The following IL1R1 variants were observed in gnomAD, a reference collection of about 807,000 sequenced individuals.
IL1R1 encodes interleukin 1 receptor type 1.
A neutral mutation model predicts 50.2 loss-of-function variants in IL1R1; 22 were observed. That is an observed-to-expected ratio of 0.44 (90% confidence interval 0.31 to 0.63). The LOEUF (loss-of-function observed/expected upper bound fraction) is 0.63, where lower values mean the gene tolerates loss of function less well. IL1R1 is among the 20% of genes least tolerant of loss of function. The pLI is 0.07. For missense variants in IL1R1, 509 were observed against 676.2 expected (o/e 0.75, Z 2.74); for synonymous variants, 251 against 236.7 (o/e 1.06, Z -0.55).
At chr2:102,172,631 A>C (rs1685787097) in intron 8 of IL1R1, 56 bp from the exon 9 acceptor site, 3 of 1,463,612 alleles carry the variant, frequency 2.0e-6, no homozygotes, top group South Asian at 2.6e-5. Context: ...TACAGGTCTT[A>C]TTTGTAGTTG....
At chr2:102,111,962 G>A (rs1003246646) in intron 1 of IL1R1, among the ~76,000 whole-genome samples, 3 of 152,132 alleles carry the variant, frequency 2.0e-5, no homozygotes, top group Non-Finnish European at 4.4e-5. Context: ...GAAATCTGAG[G>A]CCATGGCTCT....
chr2:102,100,322 G>A (rs2104334924), upstream of IL1R1, among the ~76,000 whole-genome samples: 1 of 152,292 alleles, frequency 6.6e-6, no homozygotes, highest in East Asian at 1.9e-4. Flanking sequence ...CAGCCTGGCT[G>A]CCTCTTTTCT....
chr2:102,158,056 C>T (rs892657736), intron 3 of IL1R1, among the ~76,000 whole-genome samples: 1 of 152,216 alleles, frequency 6.6e-6, no homozygotes, highest in Non-Finnish European at 1.5e-5. Context: ...AAATCTAGGT[C>T]TCCAATCTAG....
Position 102,176,749 on chromosome 2 carries a change from C to T in IL1R1, c.1700C>T (p.Pro567Leu). The T allele has an allele frequency of 1.2e-6, 2 of 1,613,504 alleles. No individual in the cohort carries two copies. The highest frequency in any genetic ancestry group is 1.7e-6 in the Non-Finnish European group (2 of 1,179,478). ...AAACTGCAAAGAGAGGCTCACGTGCCTCTCGGGTAGCATGGAGAAGTTGCC... is the reference window on the plus strand; with the variant it reads ...AAACTGCAAAGAGAGGCTCACGTGCTTCTCGGGTAGCATGGAGAAGTTGCC... Reference protein sequence around the residue: ...KEKLQREAHVPLG With the variant: ...KEKLQREAHVLLG The change falls in exon 12 of 12, where the codon CCT becomes CTT. Residue 567 changes from proline (P) to leucine (L), a missense_variant. By Grantham distance (98) the Pro-to-Leu change is moderately conservative. Coordinates refer to ENST00000410023, the MANE Select transcript of IL1R1 (RefSeq NM_000877.4).
intron 1 of IL1R1, among the ~76,000 whole-genome samples, chr2:102,092,537 C>G (rs1679717781): frequency 1.3e-5 from 2 of 152,042 alleles, no homozygotes; most frequent in African/African-American, 4.8e-5. Context: ...TTCTTAAGTG[C>G]TCTTTAAACC....
At chr2:102,175,370 A>G in intron 10 of IL1R1, 108 bp from the exon 11 acceptor site, 1 of 828,682 alleles carries the variant, frequency 1.2e-6, no homozygotes, top group Non-Finnish European at 2.0e-6. Flanking sequence ...ATGCCATTGT[A>G]TAAAAAAAGA....
chr2:102,100,592 T>G (rs1424393347), upstream of IL1R1, among the ~76,000 whole-genome samples: 2 of 152,224 alleles, frequency 1.3e-5, no homozygotes, highest in East Asian at 3.9e-4. Context: ...AACAACCTCA[T>G]CAAACAAAAG....
At chr2:102,089,051 G>C (rs1185283260) in intron 1 of IL1R1, among the ~76,000 whole-genome samples, 2 of 152,218 alleles carry the variant, frequency 1.3e-5, no homozygotes, top group African/African-American at 2.4e-5. Context: ...CAATAAGGCT[G>C]TTTTGCTTTC....
In IL1R1 at chr2:102,098,640, G is replaced by T. The variant is rs113219553; in HGVS notation, c.-84+28107G>T. Among the ~76,000 whole-genome samples the T allele has an allele frequency of 7.7e-3, 1,171 of 152,112 alleles. 9 individuals carry two copies. The highest frequency in any genetic ancestry group is 0.024 in the Middle Eastern group (7 of 294). Reference sequence around the variant, plus strand: ...GTATGATTATGAAAGCCATATAATAGCATAAAAACTATTTGTTAAGTCAAA... The same window carrying T: ...GTATGATTATGAAAGCCATATAATATCATAAAAACTATTTGTTAAGTCAAA... On this transcript the variant is annotated intron_variant, in intron 1 of 11. Transcript: ENST00000409929.
At chr2:102,135,063 T>G (rs1242872564) in intron 1 of IL1R1, among the ~76,000 whole-genome samples, 1 of 152,128 alleles carries the variant, frequency 6.6e-6, no homozygotes, top group East Asian at 1.9e-4. Flanking sequence ...TCTTGGAGAA[T>G]AAACAAAAAG....
intron 1 of IL1R1, among the ~76,000 whole-genome samples, chr2:102,082,849 T>C (rs146094013): frequency 6.6e-6 from 1 of 152,212 alleles, no homozygotes; most frequent in African/African-American, 2.4e-5. Context: ...CTCTCAGAGA[T>C]TGTTAAGAGT....
intron 1 of IL1R1, among the ~76,000 whole-genome samples, chr2:102,144,493 C>T (rs893214964): frequency 1.3e-5 from 2 of 152,098 alleles, no homozygotes; most frequent in African/African-American, 4.8e-5. Flanking sequence ...AAACCTGTGA[C>T]ATCTTTTGAG....
rs6705645 is a variant in IL1R1, at chr2:102,079,615, C to T, written c.-84+9082C>T. Among the ~76,000 whole-genome samples the T allele has an allele frequency of 7.6e-3, 1,157 of 152,104 alleles. 12 individuals are homozygous for T. Among genetic ancestry groups the T allele is most frequent in the African/African-American group, 0.026 (1,086 of 41,512 alleles). On this transcript the variant is annotated intron_variant, in intron 1 of 11. Coordinates refer to the IL1R1 transcript ENST00000409929. ...TAAAATCGCTCAATTAATTGAAAGA[C>T]ATCCCATGTTCATGAATCAGAAGAC... is the stretch of plus-strand genomic sequence containing the variant.
At chr2:102,082,993 T>A (rs183105179) in intron 1 of IL1R1, among the ~76,000 whole-genome samples, 21 of 152,268 alleles carry the variant, frequency 1.4e-4, no homozygotes, top group African/African-American at 4.8e-4. Context: ...AGGAACAATG[T>A]CAAAAACATC....
chr2:102,121,864 T>C (rs1681425458), intron 1 of IL1R1, among the ~76,000 whole-genome samples: 1 of 152,216 alleles, frequency 6.6e-6, no homozygotes, highest in Non-Finnish European at 1.5e-5. Context: ...TGCTATGGAT[T>C]TAAACTCTAT....
intron 1 of IL1R1, among the ~76,000 whole-genome samples, chr2:102,095,009 T>C (rs1482134018): frequency 6.6e-6 from 1 of 152,212 alleles, no homozygotes; most frequent in African/African-American, 2.4e-5. Flanking sequence ...TTCACTATTT[T>C]GGTGGTGGTG....
chr2:102,149,909 A>G (rs1683504196), intron 1 of IL1R1, among the ~76,000 whole-genome samples: 1 of 152,126 alleles, frequency 6.6e-6, no homozygotes, highest in Non-Finnish European at 1.5e-5. Flanking sequence ...TTTGACAGAC[A>G]TGGAATACCA....
At chr2:102,072,244 A>G (rs1478167285) in intron 1 of IL1R1, among the ~76,000 whole-genome samples, 2 of 150,766 alleles carry the variant, frequency 1.3e-5, no homozygotes, top group South Asian at 2.1e-4. Flanking sequence ...TGGGTGACAG[A>G]GCAAGACTCT....
chr2:102,152,595 AAATC>A (rs1683782776), intron 1 of IL1R1, among the ~76,000 whole-genome samples: 1 of 149,608 alleles, frequency 6.7e-6, no homozygotes, highest in Non-Finnish European at 1.5e-5. Flanking sequence ...CCTCCCAAAT[AAATC>A]CATCCCTCCC....
Sources: allele counts gnomAD v4.1 joint callset (sites outside exome capture counted in the v4.1 genomes callset), GRCh38; gene constraint gnomAD v4.1.1; transcripts MANE v1.5; gene names NCBI Gene and HGNC (gene_info 2026-07-23, HGNC 2026-07-21).